The following COQ8A variants were observed in gnomAD, a reference collection of about 807,000 sequenced individuals.
The protein encoded by COQ8A is coenzyme Q8A, also known as atypical kinase COQ8A, mitochondrial.
In COQ8A, 51 loss-of-function variants were observed where a neutral mutation model predicts 65.0. That is an observed-to-expected ratio of 0.78 (90% CI 0.63 to 0.99). COQ8A has a LOEUF of 0.99. Ranked by LOEUF, COQ8A falls within the 50% of genes least tolerant of loss-of-function variation. The pLI is 0.00. For synonymous variants in COQ8A, 371 were observed against 353.2 expected (o/e 1.05, Z -0.57); for missense variants, 940 against 875.0 (o/e 1.07, Z -0.94).
At chr1:226,978,197 A>G (rs1407581790) in intron 5 of COQ8A, among the ~76,000 whole-genome samples, 1 of 139,852 alleles carries the variant, frequency 7.2e-6, no homozygotes, top group African/African-American at 2.7e-5. Flanking sequence ...CACCCACCTC[A>G]TACCTGCACA....
rs765495097 is a variant in COQ8A at position 226,949,666 on chromosome 1, C to T, written c.-10+9267C>T. Among the ~76,000 whole-genome samples the T allele has an allele frequency of 3.9e-5, 6 of 152,174 alleles. No individual in the cohort carries two copies. Among genetic ancestry groups the T allele is most frequent in the Admixed American group, 1.3e-4 (2 of 15,288 alleles). On this transcript the variant is annotated intron_variant, in intron 1 of 14. Coordinates refer to ENST00000366777, the MANE Select transcript of COQ8A (RefSeq NM_020247.5). The surrounding 1 kb of genome is among the most constrained non-coding windows in gnomAD (Gnocchi z 4.0). ...AGACTGTGCCTGGCAGGAACAACTGCGGGTTATCCAGACTGATCCCATTCA... is the reference window on the plus strand; with the variant it reads ...AGACTGTGCCTGGCAGGAACAACTGTGGGTTATCCAGACTGATCCCATTCA...
At position 226,972,522 on chromosome 1, in the gene COQ8A, A is replaced by C. The variant is rs1269262133; in HGVS notation, c.656-4927A>C. On this transcript the variant is annotated intron_variant, in intron 4 of 14. Transcript: ENST00000366777. This position sits in a 1 kb window ranked among gnomAD's most constrained non-coding sequence, Gnocchi z 4.3. The stretch of plus-strand genomic sequence containing the variant: ...AATACTTTGCTTTTAAATATAGCTT[A>C]TGAGACTCTATTGGGTTTCCTAAGA... Among the ~76,000 whole-genome samples, 1 of 152,180 alleles carries C rather than the reference A, an allele frequency of 6.6e-6. No homozygotes were observed. Among genetic ancestry groups the C allele is most frequent in the East Asian group, 1.9e-4 (1 of 5,194 alleles).
At chr1:226,974,389 A>G (rs1659067673) in intron 4 of COQ8A, among the ~76,000 whole-genome samples, 1 of 152,236 alleles carries the variant, frequency 6.6e-6, no homozygotes, top group Non-Finnish European at 1.5e-5. Flanking sequence ...GTTTTCCTCC[A>G]GGACGACCTT....
Position 226,961,444 on chromosome 1 carries a change from AG to A in COQ8A, c.61del (p.Ala21ArgfsTer16). On this transcript the variant is annotated frameshift_variant, in exon 2 of 15. Coordinates refer to ENST00000366777, the MANE Select transcript of COQ8A (RefSeq NM_020247.5). LOFTEE classifies it high-confidence loss of function. ...MVAKGLVKLT[Q>X]AAVETHLQHL... ...GCTAAAGGCCTTGTCAAGCTGACCC[AG>A]GCGGCCGTGGAAACCCACCTGCAGC... The A allele has an allele frequency of 6.2e-7, 1 of 1,613,822 alleles. No individual in the cohort carries two copies. The highest frequency in any genetic ancestry group is 1.1e-5 in the South Asian group (1 of 91,090).
intron 12 of COQ8A, 105 bp from the exon 13 acceptor site, chr1:226,984,771 G>T: frequency 6.7e-7 from 1 of 1,489,856 alleles, no homozygotes; most frequent in East Asian, 2.3e-5. Context: ...TCAGGGCTCT[G>T]GGAGTGGGGA....
At chr1:226,944,555 C>A (rs549224335) in intron 1 of COQ8A, among the ~76,000 whole-genome samples, 1 of 151,754 alleles carries the variant, frequency 6.6e-6, no homozygotes, top group East Asian at 1.9e-4. Flanking sequence ...GCGGGCCCTC[C>A]TATCTGGTTG....
Position 226,950,201 on chromosome 1 carries a change from C to G in COQ8A, c.-10+9802C>G, listed in dbSNP as rs144752625. Among the ~76,000 whole-genome samples, 562 of 152,268 alleles carry G rather than the reference C, an allele frequency of 3.7e-3. 3 individuals are homozygous for G. Among genetic ancestry groups the G allele is most frequent in the African/African-American group, 0.013 (542 of 41,534 alleles). ...AGCTCTGAGCCCATGCAGGTTCGCT[C>G]ACAGTGTTGGGTCCTTCTCTGGACT... On this transcript the variant is annotated intron_variant, in intron 1 of 14. Coordinates refer to ENST00000366777, the MANE Select transcript of COQ8A (RefSeq NM_020247.5).
chr1:226,962,144 G>A (rs1658293285), intron 2 of COQ8A, among the ~76,000 whole-genome samples: 1 of 152,214 alleles, frequency 6.6e-6, no homozygotes, highest in Non-Finnish European at 1.5e-5. Flanking sequence ...CACTGAGCCT[G>A]CTGAGCCTCC....
At chr1:226,958,818 C>T (rs192968282) in intron 1 of COQ8A, among the ~76,000 whole-genome samples, 3 of 152,162 alleles carry the variant, frequency 2.0e-5, no homozygotes, top group Admixed American at 2.0e-4. Flanking sequence ...CCAAACACTT[C>T]ATTTCAGTTA....
chr1:226,983,528 C>G, intron 8 of COQ8A, 24 bp from the exon 9 acceptor site: 1 of 1,610,690 alleles, frequency 6.2e-7, no homozygotes, highest in Non-Finnish European at 8.5e-7. Flanking sequence ...GGCTAACTCC[C>G]CTGCCTCACC....
In COQ8A at chr1:226,977,506, G is replaced by A. The variant is rs369786684; in HGVS notation, c.713G>A (p.Arg238His). The change falls in exon 5 of 15, where the codon CGC becomes CAC. Residue 238 changes from arginine to histidine, a missense_variant. By Grantham distance (29) the Arg-to-His change is conservative. Coordinates refer to ENST00000366777, the MANE Select transcript of COQ8A (RefSeq NM_020247.5). ...ALAEVAKKSL[R>H]SEDPSGKKAV... is the part of the protein sequence containing the mutation. ...GCAGAGGTCGCCAAGAAGAGCCTGC[G>A]CTCCGAGGACCCCTCAGGTGAGCCG... 19 of 1,563,570 alleles carry A rather than the reference G, an allele frequency of 1.2e-5. No homozygotes were observed. The highest frequency in any genetic ancestry group is 8.1e-5 in the African/African-American group (6 of 74,162).
chr1:226,959,532 G>T (rs1367759448), intron 1 of COQ8A, among the ~76,000 whole-genome samples: 1 of 152,216 alleles, frequency 6.6e-6, no homozygotes, highest in Non-Finnish European at 1.5e-5. Flanking sequence ...TTGTCAAAGG[G>T]GGGTGGGTAC....
intron 4 of COQ8A, among the ~76,000 whole-genome samples, chr1:226,976,417 T>TGGCTTCGG (rs1039078035): frequency 1.4e-5 from 2 of 141,812 alleles, no homozygotes; most frequent in African/African-American, 5.3e-5. Flanking sequence ...CGATGTTGCC[T>TGGCTTCGG]GGCTTCGGGG....
chr1:226,982,842 C>T (rs2297413), intron 7 of COQ8A, 52 bp from the exon 8 acceptor site: 61 of 1,612,060 alleles, frequency 3.8e-5, no homozygotes, highest in African/African-American at 3.7e-4. Context: ...GGGCTTCTCC[C>T]GGTGGCCCAG....
chr1:226,964,961 C>T (rs759581953), intron 2 of COQ8A, 39 bp from the exon 3 acceptor site: 19 of 1,610,830 alleles, frequency 1.2e-5, no homozygotes, highest in East Asian at 4.5e-5. Flanking sequence ...GCTCCTGGCT[C>T]GCTCTTGCTC....
intron 1 of COQ8A, among the ~76,000 whole-genome samples, chr1:226,956,473 C>T (rs1473616939): frequency 8.6e-5 from 11 of 128,620 alleles, no homozygotes; most frequent in East Asian, 2.5e-4. Flanking sequence ...CTCCCTGGTT[C>T]ACACTCTCCC....
At chr1:226,941,548 C>T (rs143328604) in intron 1 of COQ8A, among the ~76,000 whole-genome samples, 5,719 of 152,032 alleles carry the variant, frequency 0.038, 332 homozygotes, top group African/African-American at 0.12. Context: ...GGGTGGATCA[C>T]CGTAGGTCAG....
intron 6 of COQ8A, 54 bp downstream of exon 6, chr1:226,982,203 C>T: frequency 6.5e-7 from 1 of 1,539,714 alleles, no homozygotes; most frequent in Non-Finnish European, 8.8e-7. Flanking sequence ...CTGGGGGGGT[C>T]AACTTCCAGG....
intron 5 of COQ8A, among the ~76,000 whole-genome samples, chr1:226,980,419 G>C (rs1659616067): frequency 6.6e-6 from 1 of 152,236 alleles, no homozygotes; most frequent in South Asian, 2.1e-4. Flanking sequence ...TGAGGAGACA[G>C]ACTGTCCCTC....
Sources: allele counts gnomAD v4.1 joint callset (sites outside exome capture counted in the v4.1 genomes callset), GRCh38; gene constraint gnomAD v4.1.1; non-coding constraint Gnocchi (gnomAD v3.1); transcripts MANE v1.5; gene names NCBI Gene and HGNC (gene_info 2026-07-23, HGNC 2026-07-21).